Variants in PABPC4L observed in about 807,000 individuals in gnomAD.
PABPC4L encodes poly(A) binding protein cytoplasmic 4 like, also known as polyadenylate-binding protein 4-like.
For synonymous variants in PABPC4L, 169 were observed against 164.1 expected (o/e 1.03, Z -0.23); for missense variants, 452 against 451.4 (o/e 1.00, Z -0.01).
the PABPC4L span, among the ~76,000 whole-genome samples, chr4:134,129,012 G>C: frequency 6.6e-6 from 1 of 151,998 alleles, no homozygotes; most frequent in Non-Finnish European, 1.5e-5. Context: ...ACCTAAACAG[G>C]CATGATTAGC....
At chr4:134,157,234 T>C in the PABPC4L span, among the ~76,000 whole-genome samples, 1 of 151,650 alleles carries the variant, frequency 6.6e-6, no homozygotes, top group Non-Finnish European at 1.5e-5. Flanking sequence ...TACAAATTAT[T>C]GTTTTATTCA....
chr4:134,145,154 C>A, the PABPC4L span, among the ~76,000 whole-genome samples: 1 of 151,764 alleles, frequency 6.6e-6, no homozygotes, highest in Non-Finnish European at 1.5e-5. Flanking sequence ...TAATACTACA[C>A]TCTGGTGACT....
chr4:134,195,654 A>G (rs754928460), downstream of PABPC4L, among the ~76,000 whole-genome samples: 2 of 151,764 alleles, frequency 1.3e-5, no homozygotes, highest in Non-Finnish European at 3.0e-5. Context: ...ACAGTTAAGA[A>G]TGCCACTAAG....
chr4:134,039,088 G>A, the PABPC4L span, among the ~76,000 whole-genome samples: 1 of 152,104 alleles, frequency 6.6e-6, no homozygotes, highest in African/African-American at 2.4e-5. Flanking sequence ...TTACCCAATA[G>A]TCAGTCAGGA....
At chr4:134,078,604 A>T in the PABPC4L span, among the ~76,000 whole-genome samples, 1 of 151,440 alleles carries the variant, frequency 6.6e-6, no homozygotes, top group African/African-American at 2.4e-5. Context: ...TACTCATTAT[A>T]GTCCTAGAAT....
chr4:134,125,868 T>TCA, the PABPC4L span, among the ~76,000 whole-genome samples: 12 of 151,846 alleles, frequency 7.9e-5, no homozygotes, highest in Non-Finnish European at 1.2e-4. Flanking sequence ...TGATGTTTAT[T>TCA]CACACACACA....
the PABPC4L span, among the ~76,000 whole-genome samples, chr4:134,048,706 TG>T: frequency 6.6e-6 from 1 of 152,098 alleles, no homozygotes; most frequent in African/African-American, 2.4e-5. Flanking sequence ...TATTTCCTTT[TG>T]ATCTTGAATA....
the PABPC4L span, among the ~76,000 whole-genome samples, chr4:134,084,927 G>GA: frequency 6.6e-6 from 1 of 152,058 alleles, no homozygotes; most frequent in Non-Finnish European, 1.5e-5. Flanking sequence ...TGATGAAAAG[G>GA]AAAAAGAAAG....
the PABPC4L span, among the ~76,000 whole-genome samples, chr4:134,140,690 C>T: frequency 4.6e-5 from 7 of 151,680 alleles, no homozygotes; most frequent in South Asian, 2.1e-4. Flanking sequence ...CCCTGATCTA[C>T]GTTTATACAT....
chr4:134,013,673 T>A, the PABPC4L span, among the ~76,000 whole-genome samples: 1 of 152,082 alleles, frequency 6.6e-6, no homozygotes, highest in African/African-American at 2.4e-5. Context: ...AGGCATTCTT[T>A]TACACATCGG....
the PABPC4L span, among the ~76,000 whole-genome samples, chr4:134,016,872 G>A: frequency 8.7e-4 from 132 of 152,124 alleles, no homozygotes; most frequent in East Asian, 6.0e-3. Flanking sequence ...CATCAAGCTC[G>A]GGGATTTGTC....
the PABPC4L span, among the ~76,000 whole-genome samples, chr4:133,983,886 G>C: frequency 1.3e-5 from 2 of 151,528 alleles, no homozygotes; most frequent in Non-Finnish European, 3.0e-5. Flanking sequence ...ATAACTTAAG[G>C]GTGTTTTTGG....
At chr4:134,113,823 G>T in the PABPC4L span, among the ~76,000 whole-genome samples, 6 of 151,688 alleles carry the variant, frequency 4.0e-5, no homozygotes, top group African/African-American at 1.5e-4. Flanking sequence ...CTGTATAAAG[G>T]CCCAGAGGAA....
the PABPC4L span, among the ~76,000 whole-genome samples, chr4:134,105,690 G>T: frequency 1.3e-5 from 2 of 151,610 alleles, no homozygotes; most frequent in African/African-American, 4.8e-5. Context: ...CATCACTAGC[G>T]AAGTACAGAG....
chr4:134,002,948 T>C, the PABPC4L span, among the ~76,000 whole-genome samples: 303 of 151,974 alleles, frequency 2.0e-3, no homozygotes, highest in Non-Finnish European at 3.2e-3. Flanking sequence ...CATGCACCTC[T>C]AAAAACTGCA....
chr4:134,136,063 C>A, the PABPC4L span, among the ~76,000 whole-genome samples: 570 of 152,140 alleles, frequency 3.7e-3, 2 homozygotes, highest in African/African-American at 0.013. Flanking sequence ...AATCCCATGA[C>A]CCAAATCAGG....
chr4:133,975,451 A>G, the PABPC4L span, among the ~76,000 whole-genome samples: 1 of 152,130 alleles, frequency 6.6e-6, no homozygotes, highest in African/African-American at 2.4e-5. Flanking sequence ...AACTCACTAA[A>G]TTGTGCATTT....
chr4:134,151,780 T>C, the PABPC4L span, among the ~76,000 whole-genome samples: 1 of 151,806 alleles, frequency 6.6e-6, no homozygotes, highest in African/African-American at 2.4e-5. Flanking sequence ...TCATAGCAAA[T>C]TTAAAATACT....
the PABPC4L span, among the ~76,000 whole-genome samples, chr4:134,112,502 C>T: frequency 6.6e-6 from 1 of 151,836 alleles, no homozygotes; most frequent in African/African-American, 2.4e-5. Context: ...ATAATCCTTT[C>T]TCTTTAAGAG....
Sources: gnomAD v4.1 joint callset for allele counts (sites outside exome capture counted in the v4.1 genomes callset) on GRCh38, gnomAD v4.1.1 for gene constraint, MANE v1.5 for transcripts, NCBI Gene and HGNC (gene_info 2026-07-23, HGNC 2026-07-21) for gene names.